CTC1: variants seen among roughly 807,000 people sequenced by gnomAD.
The protein encoded by CTC1 is CST complex subunit CTC1.
Under a neutral mutation model 136.3 loss-of-function variants are expected in CTC1, and 91 were observed. That is an observed-to-expected ratio of 0.67 (90% CI 0.56 to 0.79). The LOEUF (loss-of-function observed/expected upper bound fraction) is 0.79. Among genes scored for constraint, CTC1 ranks in the 30% least tolerant of loss-of-function variants. The pLI is 0.00. For missense variants in CTC1, 1,432 were observed against 1,498.1 expected (o/e 0.96, Z 0.73); for synonymous variants, 606 against 613.8 (o/e 0.99, Z 0.19).
intron 1 of CTC1, among the ~76,000 whole-genome samples, chr17:8,245,055 A>G (rs1227238243): frequency 6.6e-6 from 1 of 152,202 alleles, no homozygotes; most frequent in Non-Finnish European, 1.5e-5. Context: ...ACAGAAAACC[A>G]AATACTGCAT....
chr17:8,238,216 C>A lies in CTC1; in HGVS notation c.462G>T (p.Leu154Phe). Residue 154 changes from leucine to phenylalanine, a missense_variant, in exon 4 of 23, where the codon TTG (leucine) becomes TTT (phenylalanine). Physicochemically the swap from Leu to Phe is conservative, Grantham distance 22. Transcript: ENST00000651323. ...AACGGGGGAACAGAAAAAGATGGCC[C>A]AACCAAGAAAGGTCCAGGTCTATGA... is the stretch of plus-strand genomic sequence containing the variant. Reference protein sequence around the residue: ...CELIDLDLSWLGHLFLFPRWS... With the variant: ...CELIDLDLSWFGHLFLFPRWS... 6.2e-7 allele frequency: 1 copy of A among 1,610,114 alleles called. No individual in the cohort carries two copies.
chr17:8,229,464 GAC>G lies in CTC1; in HGVS notation c.3012-20_3012-19del, dbSNP rs372844070. On this transcript the variant is annotated intron_variant, in intron 18 of 22. Coordinates refer to ENST00000651323, the MANE Select transcript of CTC1 (RefSeq NM_025099.6). ...GGGGAATGCTAAATAAATACAGGGA[GAC>G]AGAGACAGGGGTCAAGATAACAGAA... 2.1e-4 allele frequency: 331 copies of G among 1,609,238 alleles called. No individual in the cohort carries two copies. In the African/African-American group the frequency reaches 3.8e-3, roughly 18 times the overall value.
At chr17:8,246,812 A>C (rs1322273116) in intron 1 of CTC1, among the ~76,000 whole-genome samples, 4 of 152,086 alleles carry the variant, frequency 2.6e-5, no homozygotes, top group Middle Eastern at 3.4e-3. Context: ...AGGCTGAGGC[A>C]GAAGAATCGC....
At position 8,232,468 on chromosome 17, in the gene CTC1, C is replaced by G; in HGVS notation, c.1953G>C (p.Leu651=). The G allele has an allele frequency of 1.2e-6, 2 of 1,613,666 alleles. No individual in the cohort carries two copies. The highest frequency in any genetic ancestry group is 1.7e-6 in the Non-Finnish European group (2 of 1,179,732). ...PLSDPRLIGC[L]VRAERFQLIV... is the part of the protein sequence containing the mutation. ...TCAACTGAAACCTCTCTGCCCGCACCAGGCAGCCTAGAGGAAGAAAGTTTT... is the reference window on the plus strand; with the variant it reads ...TCAACTGAAACCTCTCTGCCCGCACGAGGCAGCCTAGAGGAAGAAAGTTTT... The change falls in exon 12 of 23, where the codon CTG becomes CTC. Residue 651 remains leucine (L), a synonymous_variant. Transcript: ENST00000651323.
rs1273471285 is a variant in CTC1 at position 8,232,551 on chromosome 17, G to A, written c.1946-76C>T. The A allele has an allele frequency of 3.3e-6, 4 of 1,202,172 alleles. No homozygotes were observed. In the East Asian group the frequency reaches 7.0e-5, roughly 21 times the overall value. The allele number at this position is 1,202,172 out of a possible 1,614,324, so 74.5% of individuals were successfully genotyped here. A position where few individuals can be genotyped will look rare whatever the true frequency, so the allele number is the denominator to read the frequency against. On this transcript the variant is annotated intron_variant, in intron 11 of 22. Transcript: ENST00000651323. ...GGTTGCAAGGCAAACCATCCTACCG[G>A]CCTCACTACCCATCCCAGGCCAGAG...
At position 8,235,190 on chromosome 17, in the gene CTC1, G is replaced by T; in HGVS notation, c.1302C>A (p.Phe434Leu). The T allele has an allele frequency of 1.2e-6, 2 of 1,614,142 alleles. No individual in the cohort carries two copies. Among genetic ancestry groups the T allele is most frequent in the South Asian group, 1.1e-5 (1 of 91,086 alleles). The part of the protein sequence containing the change: ...CLRGAVLLQS[F>L]SRQKPGAHSS... Reference sequence around the variant, plus strand: ...AGTGAGCCCCAGGCTTCTGACGAGAGAAGCTTTGAAGCAGAACGGCGCCAC... The same window carrying T: ...AGTGAGCCCCAGGCTTCTGACGAGATAAGCTTTGAAGCAGAACGGCGCCAC... Residue 434 changes from phenylalanine to leucine, a missense_variant, in exon 8 of 23, where the codon TTC becomes TTA. Transcript: ENST00000651323.
At chr17:8,240,487 T>C (rs1226209256) in intron 2 of CTC1, among the ~76,000 whole-genome samples, 1 of 147,030 alleles carries the variant, frequency 6.8e-6, no homozygotes, top group Non-Finnish European at 1.5e-5. Context: ...GTTATGGACG[T>C]GGACAAGAAT....
intron 7 of CTC1, 138 bp from the exon 8 acceptor site, chr17:8,235,423 C>T: frequency 1.5e-6 from 1 of 654,962 alleles, no homozygotes; most frequent in East Asian, 2.7e-5. Flanking sequence ...GCTGGCCTCA[C>T]TTTCCATTAC....
At chr17:8,230,677 G>A in intron 15 of CTC1, 26 bp from the exon 16 acceptor site, 1 of 1,588,222 alleles carries the variant, frequency 6.3e-7, no homozygotes, top group Non-Finnish European at 8.6e-7. Flanking sequence ...AATACACTGA[G>A]AATGGAGGCA....
intron 22 of CTC1, 67 bp downstream of exon 22, chr17:8,228,436 C>T: frequency 6.2e-7 from 1 of 1,611,974 alleles, no homozygotes; most frequent in Non-Finnish European, 8.5e-7. Flanking sequence ...CTCTTCCTCC[C>T]AGGGACCCAT....
At position 8,227,171 on chromosome 17, in the gene CTC1, C is replaced by T. The variant is rs1178439524; in HGVS notation, c.*1009G>A. 1 of 152,194 alleles carries T rather than the reference C, an allele frequency of 6.6e-6. No homozygotes were observed. The highest frequency in any genetic ancestry group is 1.9e-4 in the East Asian group (1 of 5,200). 9.4% of individuals were successfully genotyped at this position (152,194 alleles called of 1,614,324 possible). A position where few individuals can be genotyped will look rare whatever the true frequency, so the allele number is the denominator to read the frequency against. On this transcript the variant is annotated 3_prime_UTR_variant, in exon 23 of 23. Transcript: ENST00000651323. The stretch of plus-strand genomic sequence containing the variant: ...AACCACGCTCTAAAGGTCTCCCAAA[C>T]ACGAACAAATCCTAACAGCCAGGAA...
chr17:8,246,381 C>A (rs899608318), intron 1 of CTC1, among the ~76,000 whole-genome samples: 1 of 152,130 alleles, frequency 6.6e-6, no homozygotes, highest in African/African-American at 2.4e-5. Flanking sequence ...AGATCTCATT[C>A]CTGAGCTTTA....
At chr17:8,229,118 T>C (rs747233404) in intron 20 of CTC1, 24 bp downstream of exon 20, 5 of 1,609,246 alleles carry the variant, frequency 3.1e-6, no homozygotes, top group Non-Finnish European at 3.4e-6. Flanking sequence ...AATGGCACAA[T>C]GGGTGCACGC....
At chr17:8,247,878 A>G in intron 1 of CTC1, 126 bp downstream of exon 1, 2 of 915,506 alleles carry the variant, frequency 2.2e-6, no homozygotes, top group Middle Eastern at 2.2e-4. Flanking sequence ...CCGACTCACA[A>G]CCCCCTCACC....
Position 8,235,132 on chromosome 17 carries a change from C to A in CTC1, c.1360G>T (p.Glu454Ter), listed in dbSNP as rs774972007. The A allele has an allele frequency of 8.1e-6, 13 of 1,614,104 alleles. No individual in the cohort carries two copies. Among genetic ancestry groups the A allele is most frequent in the Admixed American group, 1.7e-5 (1 of 60,008 alleles). ...SRQAYGASLY[E>*]QLVWERQLGL... The stretch of plus-strand genomic sequence containing the variant: ...AACTGACGTTCCCACACCAGCTGCT[C>A]GTACAGGGAGGCCCCGTAGGCTTGA... Residue 454 changes from glutamate (E) to a stop codon, truncating the protein, a stop_gained, in exon 8 of 23, where the codon GAG becomes TAG. Coordinates refer to ENST00000651323, the MANE Select transcript of CTC1 (RefSeq NM_025099.6). LOFTEE classifies it high-confidence loss of function.
Position 8,228,246 on chromosome 17 carries a change from C to CA in CTC1, c.3587dup (p.Leu1196PhefsTer39), listed in dbSNP as rs1333065540. ...CTGACTCTCGGATAGAAAGGCAGGACAATCGGAGCCTGGGGTTCACGTGAG... is the reference window on the plus strand; with the variant it reads ...CTGACTCTCGGATAGAAAGGCAGGACAAATCGGAGCCTGGGGTTCACGTGAG... On this transcript the variant is annotated frameshift_variant, in exon 23 of 23. Transcript: ENST00000651323. LOFTEE classifies it low-confidence loss of function (END_TRUNC). 6.2e-7 allele frequency: 1 copy of CA among 1,614,012 alleles called. No homozygotes were observed.
In CTC1 at chr17:8,225,197, G is replaced by C. The variant is rs959921695; in HGVS notation, c.*2983C>G. On this transcript the variant is annotated 3_prime_UTR_variant, in exon 23 of 23. Transcript: ENST00000651323. Reference sequence around the variant, plus strand: ...TCTACATGGTGTTTCAGACTTAGCTGATCACCCTCTACCCTCAGGCCAGAT... The same window carrying C: ...TCTACATGGTGTTTCAGACTTAGCTCATCACCCTCTACCCTCAGGCCAGAT... 2.0e-4 allele frequency: 31 copies of C among 152,226 alleles called. No individual in the cohort carries two copies. Among genetic ancestry groups the C allele is most frequent in the African/African-American group, 7.0e-4 (29 of 41,450 alleles). 9.4% of individuals were successfully genotyped at this position (152,226 alleles called of 1,614,324 possible).
At chr17:8,245,419 G>A (rs1484989087) in intron 1 of CTC1, among the ~76,000 whole-genome samples, 1 of 152,140 alleles carries the variant, frequency 6.6e-6, no homozygotes, top group Non-Finnish European at 1.5e-5. Context: ...GTGGAAGGCA[G>A]ACCAAATCAC....
Position 8,231,294 on chromosome 17 carries a change from G to A in CTC1, c.2651C>T (p.Thr884Ile). 1 of 1,583,674 alleles carries A rather than the reference G, an allele frequency of 6.3e-7. No homozygotes were observed. Among genetic ancestry groups the A allele is most frequent in the South Asian group, 1.1e-5 (1 of 88,570 alleles). The change falls in exon 15 of 23, where the codon ACC becomes ATC. Residue 884 changes from threonine to isoleucine, a missense_variant. Coordinates refer to ENST00000651323, the MANE Select transcript of CTC1 (RefSeq NM_025099.6). Reference protein sequence around the residue: ...ANKSLPESSLTDLLSDNFTDS... With the variant: ...ANKSLPESSLIDLLSDNFTDS... ...CATTTACTTGTCACTGAGCAGGTCG[G>A]TCAGTGAGGATTCAGGCAATGACTT...
Sources: gnomAD v4.1 joint callset for allele counts (sites outside exome capture counted in the v4.1 genomes callset) on GRCh38, gnomAD v4.1.1 for gene constraint, MANE v1.5 for transcripts, NCBI Gene and HGNC (gene_info 2026-07-23, HGNC 2026-07-21) for gene names.